JMJD1C: variants seen among roughly 807,000 people sequenced by gnomAD.
JMJD1C encodes jumonji domain containing 1C.
In JMJD1C, 31 loss-of-function variants were observed where a neutral mutation model predicts 245.3. The observed-to-expected ratio is 0.13, with a 90% CI of 0.09 to 0.17. The LOEUF (loss-of-function observed/expected upper bound fraction) is 0.17. JMJD1C is among the 10% of genes least tolerant of loss of function. The pLI is 1.00. For missense variants in JMJD1C, 2,691 were observed against 3,000.2 expected (o/e 0.90, Z 2.41); for synonymous variants, 1,057 against 1,017.4 (o/e 1.04, Z -0.74).
In JMJD1C at chr10:63,465,963, G is replaced by T; in HGVS notation, c.-301C>A. The T allele has an allele frequency of 5.9e-6, 3 of 512,092 alleles. No individual in the cohort carries two copies. The highest frequency in any genetic ancestry group is 1.1e-5 in the Non-Finnish European group (3 of 275,788). 31.7% of individuals were successfully genotyped at this position (512,092 alleles called of 1,614,324 possible). On this transcript the variant is annotated 5_prime_UTR_variant, in exon 1 of 26. Coordinates refer to ENST00000399262, the MANE Select transcript of JMJD1C (RefSeq NM_032776.3). ...GAGGCAGCCCAGCCGCCGCCACCGC[G>T]CCGCGGCCAGTACTGCTCCGTCTCC...
At chr10:63,252,338 A>G (rs1166157315) in intron 3 of JMJD1C, among the ~76,000 whole-genome samples, 2 of 152,212 alleles carry the variant, frequency 1.3e-5, no homozygotes, top group Non-Finnish European at 2.9e-5. Flanking sequence ...AGATGTGATT[A>G]CCATTTAAAC....
At chr10:63,186,943 A>G (rs1844200505) in intron 18 of JMJD1C, among the ~76,000 whole-genome samples, 1 of 152,210 alleles carries the variant, frequency 6.6e-6, no homozygotes, top group Non-Finnish European at 1.5e-5. Context: ...TTGTAGTCCC[A>G]GCTCCCAAGG....
intron 2 of JMJD1C, among the ~76,000 whole-genome samples, chr10:63,353,561 GC>G (rs1944540938): frequency 6.6e-6 from 1 of 152,122 alleles, no homozygotes; most frequent in Non-Finnish European, 1.5e-5. Flanking sequence ...TATCACCCAG[GC>G]TGGAGTGCAG....
chr10:63,267,714 C>G (rs565374914), intron 2 of JMJD1C, among the ~76,000 whole-genome samples: 1 of 152,116 alleles, frequency 6.6e-6, no homozygotes, highest in Non-Finnish European at 1.5e-5. Flanking sequence ...TCAGTTGAAA[C>G]AAAATGCTTT....
rs528812350 is a variant in JMJD1C, at chr10:63,310,943, A to G, written c.334-46179T>C. On this transcript the variant is annotated intron_variant, in intron 2 of 25. Coordinates refer to ENST00000399262, the MANE Select transcript of JMJD1C (RefSeq NM_032776.3). Reference sequence around the variant, plus strand: ...ATTTGGGGGATTTACAGCAATTACAAAGACTGAAAATACTAAATGTTGATA... The same window carrying G: ...ATTTGGGGGATTTACAGCAATTACAGAGACTGAAAATACTAAATGTTGATA... Among the ~76,000 whole-genome samples, 14 of 152,324 alleles carry G rather than the reference A, an allele frequency of 9.2e-5. No individual in the cohort carries two copies. In the East Asian group the frequency reaches 2.7e-3, roughly 29 times the overall value.
chr10:63,424,982 G>A (rs1256947063), intron 1 of JMJD1C, among the ~76,000 whole-genome samples: 1 of 151,956 alleles, frequency 6.6e-6, no homozygotes, highest in Non-Finnish European at 1.5e-5. Flanking sequence ...TTTAACTGTG[G>A]CCGCTCACCA....
chr10:63,204,499 TG>T, intron 10 of JMJD1C: 2 of 985,440 alleles, frequency 2.0e-6, no homozygotes, highest in African/African-American at 3.5e-5. Context: ...CTTTTGTTTT[TG>T]TTTTTTAAGT....
At chr10:63,267,057 A>G (rs943066098) in intron 2 of JMJD1C, among the ~76,000 whole-genome samples, 4 of 152,210 alleles carry the variant, frequency 2.6e-5, no homozygotes, top group African/African-American at 9.6e-5. Context: ...GAAATCTAAG[A>G]AAACTAGCTG....
In JMJD1C at chr10:63,315,666, C is replaced by G. The variant is rs1160177166; in HGVS notation, c.334-50902G>C. ...ATCATCCTGGCCAACATGGTGAAAC[C>G]CTGTCTCTACTAAAAATACAAAACT... On this transcript the variant is annotated intron_variant, in intron 2 of 25. Coordinates refer to ENST00000399262, the MANE Select transcript of JMJD1C (RefSeq NM_032776.3). 2.0e-5 allele frequency among the ~76,000 whole-genome samples: 3 copies of G among 151,622 alleles called. No homozygotes were observed. In the East Asian group the frequency reaches 5.8e-4, roughly 29 times the overall value.
chr10:63,435,556 C>T (rs1244228508), intron 1 of JMJD1C, among the ~76,000 whole-genome samples: 3 of 152,148 alleles, frequency 2.0e-5, no homozygotes, highest in African/African-American at 7.2e-5. Flanking sequence ...ATTCTACCGG[C>T]TCACAGTGTC....
At chr10:63,484,429 T>C (rs971630754) in intron 1 of JMJD1C, among the ~76,000 whole-genome samples, 1 of 152,204 alleles carries the variant, frequency 6.6e-6, no homozygotes, top group Non-Finnish European at 1.5e-5. Flanking sequence ...ACTTCTAGTG[T>C]ATGTAACTTT....
At chr10:63,446,530 C>T (rs1391817328) in intron 1 of JMJD1C, among the ~76,000 whole-genome samples, 8 of 152,068 alleles carry the variant, frequency 5.3e-5, no homozygotes, top group African/African-American at 1.9e-4. Context: ...AGAACAAGAG[C>T]GTAGCTAGAA....
intron 1 of JMJD1C, among the ~76,000 whole-genome samples, chr10:63,515,543 C>T (rs1448611822): frequency 6.6e-6 from 1 of 152,148 alleles, no homozygotes; most frequent in Admixed American, 6.5e-5. Flanking sequence ...GATTTTCCTA[C>T]CCGGGTACTG....
chr10:63,435,411 A>G (rs377206541), intron 1 of JMJD1C, among the ~76,000 whole-genome samples: 5 of 152,232 alleles, frequency 3.3e-5, no homozygotes, highest in East Asian at 3.8e-4. Flanking sequence ...ACAGAGACAA[A>G]ACTAATATTT....
At chr10:63,277,724 T>A (rs557899652) in intron 2 of JMJD1C, among the ~76,000 whole-genome samples, 1 of 141,958 alleles carries the variant, frequency 7.0e-6, no homozygotes, top group South Asian at 2.2e-4. Context: ...GAGAGTAATT[T>A]GCATTTCTTT....
intron 1 of JMJD1C, chr10:63,427,196 G>C (rs745905434): frequency 5.3e-4 from 88 of 165,916 alleles, no homozygotes; most frequent in Non-Finnish European, 8.7e-4. Flanking sequence ...TGAGCTACGA[G>C]CCTGGCGGCG....
chr10:63,171,294 AG>A (rs1842330582), intron 24 of JMJD1C, among the ~76,000 whole-genome samples: 1 of 152,022 alleles, frequency 6.6e-6, no homozygotes, highest in Admixed American at 6.6e-5. Flanking sequence ...AGGGATGTAC[AG>A]GAGTTTCACA....
In JMJD1C at chr10:63,213,938, T is replaced by C. The variant is rs752894908; in HGVS notation, c.2229A>G (p.Ser743=). The C allele has an allele frequency of 2.5e-6, 4 of 1,613,996 alleles. No individual in the cohort carries two copies. Among genetic ancestry groups the C allele is most frequent in the Admixed American group, 1.7e-5 (1 of 60,000 alleles). Reference sequence around the variant, plus strand: ...CTGGATTTAAACAGGTTCTATGAGATGAGGAGTGAAGAGGAAAAGGATGCT... The same window carrying C: ...CTGGATTTAAACAGGTTCTATGAGACGAGGAGTGAAGAGGAAAAGGATGCT... ...LSQHPFPLHS[S]SHRTCLNPGT... Residue 743 remains serine, a synonymous_variant, in exon 8 of 26, where the codon TCA becomes TCG. Transcript: ENST00000399262.
intron 1 of JMJD1C, among the ~76,000 whole-genome samples, chr10:63,450,079 C>G (rs1951948398): frequency 6.6e-6 from 1 of 151,948 alleles, no homozygotes; most frequent in Non-Finnish European, 1.5e-5. Context: ...TGCCACTGCA[C>G]TCCAGTATGG....
Sources: allele counts gnomAD v4.1 joint callset (sites outside exome capture counted in the v4.1 genomes callset), GRCh38; gene constraint gnomAD v4.1.1; transcripts MANE v1.5; gene names NCBI Gene and HGNC (gene_info 2026-07-23, HGNC 2026-07-21).